RAD51B: variants seen among roughly 807,000 people sequenced by gnomAD.
The protein encoded by RAD51B is RAD51 paralog B.
Under a neutral mutation model 42.2 loss-of-function variants are expected in RAD51B, and 38 were observed. That is an observed-to-expected ratio of 0.90 (90% CI 0.70 to 1.18). The LOEUF is 1.18. Among genes scored for constraint, RAD51B ranks in the 50% most tolerant of loss-of-function variants. RAD51B has a pLI of 0.00. For synonymous variants in RAD51B, 154 were observed against 145.2 expected (o/e 1.06, Z -0.43); for missense variants, 373 against 400.7 (o/e 0.93, Z 0.59).
At chr14:68,513,700 A>G (rs982714399) in intron 10 of RAD51B, among the ~76,000 whole-genome samples, 1 of 152,220 alleles carries the variant, frequency 6.6e-6, no homozygotes, top group Non-Finnish European at 1.5e-5. Flanking sequence ...TTGGGGCTCA[A>G]TCAGCCCCAC....
At chr14:68,489,730 A>G (rs1883920901) in intron 10 of RAD51B, among the ~76,000 whole-genome samples, 1 of 152,242 alleles carries the variant, frequency 6.6e-6, no homozygotes, top group South Asian at 2.1e-4. Flanking sequence ...GGAAAATAGC[A>G]GTAACTAGAA....
chr14:68,144,881 T>G (rs567568036), intron 7 of RAD51B, among the ~76,000 whole-genome samples: 71 of 152,352 alleles, frequency 4.7e-4, no homozygotes, highest in African/African-American at 1.6e-3. Flanking sequence ...CTATATAAAG[T>G]CTTTTTTATT....
chr14:67,997,282 A>G (rs955150448), intron 7 of RAD51B, among the ~76,000 whole-genome samples: 6 of 152,240 alleles, frequency 3.9e-5, no homozygotes, highest in Non-Finnish European at 8.8e-5. Flanking sequence ...GCATTTCAAC[A>G]TTAAGAAATA....
chr14:68,636,011 G>C (rs202129924), intron 10 of RAD51B, among the ~76,000 whole-genome samples: 2 of 152,028 alleles, frequency 1.3e-5, no homozygotes, highest in Non-Finnish European at 2.9e-5. Flanking sequence ...TAATTTAATG[G>C]CAGTCATTTC....
intron 7 of RAD51B, among the ~76,000 whole-genome samples, chr14:68,071,588 T>G (rs954173165): frequency 3.3e-5 from 5 of 152,180 alleles, no homozygotes. Context: ...TAAACCAACC[T>G]TGCATCCCAG....
At chr14:67,861,100 G>A (rs1243499544) in intron 4 of RAD51B, among the ~76,000 whole-genome samples, 2 of 152,132 alleles carry the variant, frequency 1.3e-5, no homozygotes, top group Non-Finnish European at 1.5e-5. Context: ...GGTGGAGGTG[G>A]GAGGATTGCT....
chr14:68,477,730 G>C lies in RAD51B; in HGVS notation c.*66G>C. 7 of 1,581,280 alleles carry C rather than the reference G, an allele frequency of 4.4e-6. No individual in the cohort carries two copies. In the South Asian group the frequency reaches 5.9e-5, roughly 13 times the overall value. The stretch of plus-strand genomic sequence containing the variant: ...TTGTGAAATAAAACAGGACCGTACT[G>C]CTTGGAAGAAGGAAACGGAAGCTGA... On this transcript the variant is annotated 3_prime_UTR_variant, in exon 11 of 11. Coordinates refer to ENST00000471583, the MANE Select transcript of RAD51B (RefSeq NM_133510.4).
chr14:67,895,800 G>A (rs972709347), intron 7 of RAD51B, among the ~76,000 whole-genome samples: 1 of 151,866 alleles, frequency 6.6e-6, no homozygotes, highest in East Asian at 1.9e-4. Context: ...GCAGGCTGCT[G>A]GTATACTACC....
chr14:67,967,787 C>G (rs2074812486), intron 7 of RAD51B, among the ~76,000 whole-genome samples: 1 of 152,172 alleles, frequency 6.6e-6, no homozygotes, highest in Non-Finnish European at 1.5e-5. Flanking sequence ...GTGGAAGGTG[C>G]AAGCTGTCGG....
At chr14:68,307,259 C>T (rs999614760) in intron 8 of RAD51B, among the ~76,000 whole-genome samples, 3 of 152,112 alleles carry the variant, frequency 2.0e-5, no homozygotes, top group African/African-American at 7.2e-5. Flanking sequence ...ACTGTAAATG[C>T]CACTCCTGAA....
intron 8 of RAD51B, among the ~76,000 whole-genome samples, chr14:68,315,855 T>C (rs117347290): frequency 2.0e-5 from 3 of 152,318 alleles, no homozygotes; most frequent in East Asian, 3.9e-4. Context: ...ACTGACTTTA[T>C]ATTAATTTTC....
chr14:68,344,373 C>T (rs917084293), intron 8 of RAD51B, among the ~76,000 whole-genome samples: 50 of 152,332 alleles, frequency 3.3e-4, no homozygotes, highest in African/African-American at 1.2e-3. Flanking sequence ...TGCCGCCGAG[C>T]GTAGTGGCTC....
chr14:67,935,260 A>T (rs1331126947), intron 7 of RAD51B, among the ~76,000 whole-genome samples: 1 of 152,204 alleles, frequency 6.6e-6, no homozygotes, highest in African/African-American at 2.4e-5. Flanking sequence ...ATGATTAGGC[A>T]ATTACTTTGA....
intron 7 of RAD51B, among the ~76,000 whole-genome samples, chr14:67,960,832 C>G (rs770665031): frequency 6.6e-6 from 1 of 151,900 alleles, no homozygotes; most frequent in Non-Finnish European, 1.5e-5. Context: ...TTATGCCTGG[C>G]TAATTTTTTA....
At chr14:68,067,829 G>T (rs2076678771) in intron 7 of RAD51B, among the ~76,000 whole-genome samples, 2 of 151,310 alleles carry the variant, frequency 1.3e-5, no homozygotes, top group South Asian at 2.1e-4. Flanking sequence ...CTACTAGGGA[G>T]GCTGAGGCAG....
chr14:68,167,261 T>G (rs1033338214), intron 7 of RAD51B, among the ~76,000 whole-genome samples: 1 of 152,194 alleles, frequency 6.6e-6, no homozygotes, highest in African/African-American at 2.4e-5. Flanking sequence ...TTCCAAAACA[T>G]GCCATGTTGT....
intron 7 of RAD51B, among the ~76,000 whole-genome samples, chr14:67,979,993 C>T: frequency 6.6e-6 from 1 of 152,114 alleles, no homozygotes; most frequent in Admixed American, 6.6e-5. Flanking sequence ...GAAGTCTGTA[C>T]TTCATCTTTT....
chr14:67,964,537 A>G (rs1473707921), intron 7 of RAD51B, among the ~76,000 whole-genome samples: 1 of 152,220 alleles, frequency 6.6e-6, no homozygotes, highest in Non-Finnish European at 1.5e-5. Flanking sequence ...AACATTACAC[A>G]ACAACATTAA....
At chr14:68,328,408 C>T (rs2082286785) in intron 8 of RAD51B, among the ~76,000 whole-genome samples, 1 of 152,088 alleles carries the variant, frequency 6.6e-6, no homozygotes, top group Non-Finnish European at 1.5e-5. Flanking sequence ...GGTAATGAGC[C>T]AGTAGTCACA....
Sources: allele counts gnomAD v4.1 joint callset (sites outside exome capture counted in the v4.1 genomes callset), GRCh38; gene constraint gnomAD v4.1.1; transcripts MANE v1.5; gene names NCBI Gene and HGNC (gene_info 2026-07-23, HGNC 2026-07-21).